The following HIP1 variants were observed in gnomAD, a reference collection of about 807,000 sequenced individuals.
The protein encoded by HIP1 is huntingtin-interacting protein 1.
Under a neutral mutation model 147.6 loss-of-function variants are expected in HIP1, and 65 were observed. The ratio of observed to expected loss-of-function variants is 0.44; its 90% CI spans 0.36 to 0.54. The LOEUF is 0.54. Among genes scored for constraint, HIP1 ranks in the 20% least tolerant of loss-of-function variants. The pLI is 0.00. For missense variants in HIP1, 1,061 were observed against 1,299.6 expected (o/e 0.82, Z 2.82); for synonymous variants, 479 against 504.0 (o/e 0.95, Z 0.67).
intron 24 of HIP1, among the ~76,000 whole-genome samples, chr7:75,547,416 C>T (rs1019737684): frequency 2.6e-5 from 4 of 152,152 alleles, no homozygotes; most frequent in Non-Finnish European, 4.4e-5. Context: ...TACATGCATG[C>T]ACCACCACGC....
At chr7:75,664,050 GTA>G (rs782384479) in intron 1 of HIP1, among the ~76,000 whole-genome samples, 2 of 16,510 alleles carry the variant, frequency 1.2e-4, no homozygotes, top group South Asian at 1.7e-3. Flanking sequence ...ACATATATGT[GTA>G]TATACACATA....
chr7:75,639,592 T>TGTGTGCGC (rs879990782), intron 1 of HIP1, among the ~76,000 whole-genome samples: 1 of 148,624 alleles, frequency 6.7e-6, no homozygotes, highest in Non-Finnish European at 1.5e-5. Context: ...TGTGTGTGTG[T>TGTGTGCGC]GCGCCCGCGT....
intron 1 of HIP1, among the ~76,000 whole-genome samples, chr7:75,677,069 C>T (rs1046579061): frequency 6.6e-6 from 1 of 151,274 alleles, no homozygotes; most frequent in Non-Finnish European, 1.5e-5. Flanking sequence ...GTGGTGCATG[C>T]CTGTAATCCT....
chr7:75,544,578 G>T (rs1335390692), intron 27 of HIP1, 117 bp downstream of exon 27: 1 of 710,858 alleles, frequency 1.4e-6, no homozygotes, highest in Non-Finnish European at 2.6e-6. Context: ...ATCTAACCTG[G>T]CCAAGTACTC....
intron 1 of HIP1, among the ~76,000 whole-genome samples, chr7:75,727,284 C>A (rs538636901): frequency 2.7e-5 from 4 of 150,098 alleles, no homozygotes; most frequent in Non-Finnish European, 5.9e-5. Flanking sequence ...TTTGTACAGG[C>A]GGGTTTTCAC....
chr7:75,602,633 G>T (rs1226284450), intron 1 of HIP1, among the ~76,000 whole-genome samples: 1 of 150,904 alleles, frequency 6.6e-6, no homozygotes, highest in Non-Finnish European at 1.5e-5. Context: ...CTCCCGAGTA[G>T]CTGGGACTAC....
intron 11 of HIP1, 147 bp downstream of exon 11, chr7:75,562,788 A>G: frequency 1.4e-6 from 1 of 739,166 alleles, no homozygotes; most frequent in Non-Finnish European, 2.2e-6. Context: ...ACAGAGCAGG[A>G]TGCTCAGCCT....
intron 1 of HIP1, among the ~76,000 whole-genome samples, chr7:75,671,204 C>G (rs529838429): frequency 6.6e-6 from 1 of 152,152 alleles, no homozygotes; most frequent in East Asian, 1.9e-4. Context: ...AGTGATTCTC[C>G]TGCCTCAGCC....
intron 4 of HIP1, among the ~76,000 whole-genome samples, chr7:75,590,712 G>C (rs1445679856): frequency 6.6e-6 from 1 of 152,172 alleles, no homozygotes; most frequent in African/African-American, 2.4e-5. Context: ...AAAGTAAAAA[G>C]ATGGAGAAAT....
intron 4 of HIP1, among the ~76,000 whole-genome samples, chr7:75,591,805 G>A (rs1425751222): frequency 6.6e-6 from 1 of 151,780 alleles, no homozygotes; most frequent in African/African-American, 2.4e-5. Flanking sequence ...TGTGACATGA[G>A]TTTATGAGTT....
In HIP1 at chr7:75,735,970, C is replaced by T. The variant is rs1444340184; in HGVS notation, c.120+2831G>A. Among the ~76,000 whole-genome samples the T allele has an allele frequency of 2.0e-5, 3 of 151,944 alleles. No individual in the cohort carries two copies. The East Asian group carries it at 5.8e-4, about 29-fold the overall frequency. On this transcript the variant is annotated intron_variant, in intron 1 of 30. Coordinates refer to ENST00000336926, the MANE Select transcript of HIP1 (RefSeq NM_005338.7). ...ACCAGAGGCTGGGTGCAGTGGCTCA[C>T]ACCTGAAATCCCAGCACTTTGGGAG...
chr7:75,552,575 T>C (rs1584785964), intron 22 of HIP1, among the ~76,000 whole-genome samples: 1 of 152,116 alleles, frequency 6.6e-6, no homozygotes, highest in South Asian at 2.1e-4. Flanking sequence ...TAGGCTGATA[T>C]TGAACTCCTG....
At chr7:75,635,585 A>G (rs1584905426) in intron 1 of HIP1, among the ~76,000 whole-genome samples, 1 of 151,526 alleles carries the variant, frequency 6.6e-6, no homozygotes, top group Non-Finnish European at 1.5e-5. Context: ...CTCAAAAAAA[A>G]AAAAAAAAAA....
At chr7:75,633,567 C>G (rs892851209) in intron 1 of HIP1, among the ~76,000 whole-genome samples, 8 of 152,308 alleles carry the variant, frequency 5.3e-5, no homozygotes, top group Admixed American at 4.6e-4. Flanking sequence ...GCTGGGATTA[C>G]AAGCGTGAGC....
intron 1 of HIP1, among the ~76,000 whole-genome samples, chr7:75,666,140 T>A (rs78251271): frequency 0.06 from 9,169 of 152,006 alleles, 489 homozygotes; most frequent in Admixed American, 0.17. Context: ...GATTTTTTTT[T>A]AATCATGCTT....
At position 75,568,212 on chromosome 7, in the gene HIP1, C is replaced by T. The variant is rs1554495928; in HGVS notation, c.790G>A (p.Glu264Lys). Residue 264 changes from glutamate to lysine, a missense_variant, in exon 9 of 31, where the codon GAG becomes AAG. This residue lies in a region of HIP1 where 26 missense variants were observed against 59.9 expected (regional missense o/e 0.43). Transcript: ENST00000336926. The surrounding 1 kb of genome is among the most constrained non-coding windows in gnomAD (Gnocchi z 4.1). ...TLQGHRDRFM[E>K]QFTKLKDLFY... ...TGAACCACTTACTTTGTAAACTGCTCCATGAAGCGGTCCCGGTGGCCTTGC... is the reference window on the plus strand; with the variant it reads ...TGAACCACTTACTTTGTAAACTGCTTCATGAAGCGGTCCCGGTGGCCTTGC... 2 of 1,612,670 alleles carry T rather than the reference C, an allele frequency of 1.2e-6. No individual in the cohort carries two copies. The highest frequency in any genetic ancestry group is 2.2e-5 in the South Asian group (2 of 91,044).
intron 1 of HIP1, among the ~76,000 whole-genome samples, chr7:75,737,638 G>A (rs1563322065): frequency 1.3e-5 from 2 of 152,140 alleles, no homozygotes; most frequent in South Asian, 2.1e-4. Flanking sequence ...GAGGTACCGC[G>A]CCCGGCCAAA....
chr7:75,609,807 G>A (rs1441550728), intron 1 of HIP1, among the ~76,000 whole-genome samples: 11 of 151,432 alleles, frequency 7.3e-5, no homozygotes, highest in African/African-American at 2.4e-4. Context: ...CTTCCGCCTC[G>A]GCCTCCCAAG....
intron 1 of HIP1, among the ~76,000 whole-genome samples, chr7:75,715,695 A>T (rs552366642): frequency 2.7e-5 from 4 of 147,740 alleles, no homozygotes; most frequent in Non-Finnish European, 1.5e-5. Flanking sequence ...GAATCACTTG[A>T]ATCCAGGAGG....
Sources: allele counts gnomAD v4.1 joint callset (sites outside exome capture counted in the v4.1 genomes callset), GRCh38; gene constraint gnomAD v4.1.1; regional missense constraint gnomAD v4.1.1; non-coding constraint Gnocchi (gnomAD v3.1); transcripts MANE v1.5; gene names NCBI Gene and HGNC (gene_info 2026-07-23, HGNC 2026-07-21).